The following MARCHF1 variants were observed in gnomAD, a reference collection of about 807,000 sequenced individuals.
The protein encoded by MARCHF1 is E3 ubiquitin-protein ligase MARCHF1.
Under a neutral mutation model 54.2 loss-of-function variants are expected in MARCHF1, and 40 were observed. The ratio of observed to expected loss-of-function variants is 0.74; its 90% CI spans 0.57 to 0.96. The LOEUF is 0.96. MARCHF1 is among the 40% of genes least tolerant of loss of function. The probability of loss-of-function intolerance (pLI) is 0.00; values close to 1 mark genes in which losing one functional copy is unlikely to be tolerated. For missense variants in MARCHF1, 586 were observed against 656.5 expected, an observed-to-expected ratio of 0.89 and a Z score of 1.17; for synonymous variants, 236 against 236.3, an observed-to-expected ratio of 1.00 and a Z score of 0.01.
chr4:164,278,728 T>C (rs565716048), intron 1 of MARCHF1, among the ~76,000 whole-genome samples: 1 of 152,320 alleles, frequency 6.6e-6, no homozygotes, highest in Non-Finnish European at 1.5e-5. Context: ...GTGACATATA[T>C]GATAGGACCC....
intron 8 of MARCHF1, among the ~76,000 whole-genome samples, chr4:163,583,085 A>G (rs1474286120): frequency 6.6e-6 from 1 of 152,210 alleles, no homozygotes; most frequent in Non-Finnish European, 1.5e-5. Context: ...AGATCCCTAC[A>G]CAAGTGCCAC....
At chr4:164,095,060 G>T (rs142350356) in intron 2 of MARCHF1, among the ~76,000 whole-genome samples, 1 of 152,070 alleles carries the variant, frequency 6.6e-6, no homozygotes, top group African/African-American at 2.4e-5. Flanking sequence ...CTTAACAATG[G>T]CCTAAGCATT....
intron 8 of MARCHF1, among the ~76,000 whole-genome samples, chr4:163,552,620 A>G (rs553835340): frequency 1.1e-4 from 16 of 152,260 alleles, no homozygotes; most frequent in Non-Finnish European, 2.4e-4. Flanking sequence ...GTTTGACAGG[A>G]TCATTTGGGG....
intron 1 of MARCHF1, among the ~76,000 whole-genome samples, chr4:164,116,978 C>T (rs1297755499): frequency 2.6e-5 from 4 of 152,064 alleles, no homozygotes; most frequent in African/African-American, 9.7e-5. Flanking sequence ...ATAGAATAGG[C>T]TGGGCGTGCT....
rs571368602 is a variant in MARCHF1 at position 164,138,508 on chromosome 4, T to C, written c.-322-26846A>G. ...CCTGGACTTTGAGATATAGGTGTTC[T>C]TGGAGGACTTGCATTAGTAGCAGGT... On this transcript the variant is annotated intron_variant, in intron 1 of 9. Transcript: ENST00000514618. Among the ~76,000 whole-genome samples the C allele has an allele frequency of 4.6e-5, 7 of 152,278 alleles. No individual in the cohort carries two copies. The East Asian group carries it at 1.2e-3, about 25-fold the overall frequency.
chr4:163,906,585 A>G (rs147126698), intron 3 of MARCHF1, among the ~76,000 whole-genome samples: 149 of 152,086 alleles, frequency 9.8e-4, no homozygotes, highest in African/African-American at 3.1e-3. Context: ...CCATCACCAC[A>G]ATCTATGCCA....
At chr4:164,146,496 C>T (rs1729746254) in intron 1 of MARCHF1, among the ~76,000 whole-genome samples, 1 of 152,164 alleles carries the variant, frequency 6.6e-6, no homozygotes, top group Non-Finnish European at 1.5e-5. Context: ...TGGATCAGAA[C>T]AGAGCCCTCA....
At chr4:164,228,635 G>T (rs1732324933) in intron 1 of MARCHF1, among the ~76,000 whole-genome samples, 1 of 152,130 alleles carries the variant, frequency 6.6e-6, no homozygotes, top group Non-Finnish European at 1.5e-5. Flanking sequence ...AAGAATATAT[G>T]AGGGAATTCA....
At chr4:164,249,700 A>G (rs957892252) in intron 1 of MARCHF1, among the ~76,000 whole-genome samples, 6 of 151,878 alleles carry the variant, frequency 4.0e-5, no homozygotes, top group African/African-American at 1.4e-4. Context: ...AGAACAGTAA[A>G]AACCAGTTAA....
intron 2 of MARCHF1, among the ~76,000 whole-genome samples, chr4:164,050,596 T>C (rs1754343214): frequency 6.6e-6 from 1 of 152,166 alleles, no homozygotes; most frequent in Admixed American, 6.5e-5. Context: ...GCAGGCAGCA[T>C]TAGCATCCCC....
At chr4:164,284,334 CAGAGAG>C (rs139533400) in intron 1 of MARCHF1, among the ~76,000 whole-genome samples, 9,386 of 117,544 alleles carry the variant, frequency 0.08, 663 homozygotes, top group East Asian at 0.26. Context: ...GAGAGAGAGA[CAGAGAG>C]AGAGAGAGAG....
At chr4:163,929,204 T>C (rs559713622) in intron 3 of MARCHF1, among the ~76,000 whole-genome samples, 7 of 152,110 alleles carry the variant, frequency 4.6e-5, no homozygotes, top group Non-Finnish European at 8.8e-5. Flanking sequence ...GTTATGAAAT[T>C]AGACAACTAG....
intron 9 of MARCHF1, among the ~76,000 whole-genome samples, chr4:163,540,261 C>G (rs1738678755): frequency 6.6e-6 from 1 of 152,166 alleles, no homozygotes; most frequent in African/African-American, 2.4e-5. Context: ...GAACCTGTTT[C>G]ACTTAACAGT....
intron 4 of MARCHF1, among the ~76,000 whole-genome samples, chr4:163,794,655 A>G (rs893661024): frequency 1.3e-5 from 2 of 152,148 alleles, no homozygotes; most frequent in Non-Finnish European, 2.9e-5. Flanking sequence ...TGCATTAACC[A>G]TGTATTACAT....
chr4:163,839,666 A>G (rs1749284332), intron 4 of MARCHF1, among the ~76,000 whole-genome samples: 1 of 152,124 alleles, frequency 6.6e-6, no homozygotes, highest in Admixed American at 6.6e-5. Context: ...TACAGAGACA[A>G]AGTGGATCAT....
Position 163,951,941 on chromosome 4 carries a change from A to T in MARCHF1, c.-39+36560T>A, listed in dbSNP as rs114556062. On this transcript the variant is annotated intron_variant, in intron 3 of 9. Transcript: ENST00000514618. Reference sequence around the variant, plus strand: ...TTATAGAGGTCAACATTTTTATAAAATTATAAAAGCACCCGTGTTTCCTTG... The same window carrying T: ...TTATAGAGGTCAACATTTTTATAAATTTATAAAAGCACCCGTGTTTCCTTG... Among the ~76,000 whole-genome samples the T allele has an allele frequency of 4.4e-3, 676 of 152,326 alleles. 3 individuals carry two copies. The highest frequency in any genetic ancestry group is 5.4e-3 in the Non-Finnish European group (364 of 68,022).
At chr4:163,654,868 G>T (rs1255516557) in intron 5 of MARCHF1, among the ~76,000 whole-genome samples, 1 of 151,426 alleles carries the variant, frequency 6.6e-6, no homozygotes, top group African/African-American at 2.4e-5. Context: ...AGTATGATTT[G>T]TATACATAAA....
At chr4:163,530,181 C>A (rs1177882610) in intron 9 of MARCHF1, 1 of 151,890 alleles carries the variant, frequency 6.6e-6, no homozygotes, top group Non-Finnish European at 1.5e-5. Context: ...GATGAAGCAC[C>A]TTGTACCCTA....
At chr4:163,901,801 T>C (rs1750947188) in intron 3 of MARCHF1, among the ~76,000 whole-genome samples, 1 of 152,220 alleles carries the variant, frequency 6.6e-6, no homozygotes, top group Non-Finnish European at 1.5e-5. Context: ...TCCTATCTAC[T>C]GAAGCACTCA....
Sources: allele counts gnomAD v4.1 joint callset (sites outside exome capture counted in the v4.1 genomes callset), GRCh38; gene constraint gnomAD v4.1.1; transcripts MANE v1.5; gene names NCBI Gene and HGNC (gene_info 2026-07-23, HGNC 2026-07-21).